WIF1: variants seen among roughly 807,000 people sequenced by gnomAD.
WIF1 encodes Wnt inhibitory factor 1.
In WIF1, 35 loss-of-function variants were observed where a neutral mutation model predicts 53.5. The ratio of observed to expected loss-of-function variants is 0.65; its 90% CI spans 0.50 to 0.87. WIF1 has a LOEUF of 0.87. Among genes scored for constraint, WIF1 ranks in the 40% least tolerant of loss-of-function variants. The pLI is 0.00. For synonymous variants in WIF1, 171 were observed against 170.4 expected (o/e 1.00, Z -0.03); for missense variants, 467 against 476.8 (o/e 0.98, Z 0.19).
At chr12:65,086,313 C>G (rs1883037064) in intron 2 of WIF1, among the ~76,000 whole-genome samples, 1 of 152,080 alleles carries the variant, frequency 6.6e-6, no homozygotes, top group Non-Finnish European at 1.5e-5. Flanking sequence ...AGGACAAGTG[C>G]CTCCTCCTCA....
At chr12:65,062,367 A>T in intron 7 of WIF1, 114 bp downstream of exon 7, 1 of 920,560 alleles carries the variant, frequency 1.1e-6, no homozygotes, top group Non-Finnish European at 1.6e-6. Context: ...CTAAGACCTT[A>T]GACAAGTTAT....
At chr12:65,083,284 T>C (rs372126697) in intron 2 of WIF1, among the ~76,000 whole-genome samples, 1 of 152,092 alleles carries the variant, frequency 6.6e-6, no homozygotes, top group East Asian at 1.9e-4. Flanking sequence ...AGGAAAATAG[T>C]TCAATGTTAA....
In WIF1 at chr12:65,067,773, A is replaced by C. The variant is rs908415677; in HGVS notation, c.556T>G (p.Cys186Gly). ...TCATTACAAAAGCCTCCATTTCGGC[A>C]CCCGCCTGGGCACTCAGCTTCAGCA... ...TCQQAECPGGCRNGGFCNERR... is the reference protein window; with the variant it reads ...TCQQAECPGGGRNGGFCNERR... The change falls in exon 5 of 10, where the codon TGC becomes GGC. Residue 186 changes from cysteine to glycine, a missense_variant. Coordinates refer to ENST00000286574, the MANE Select transcript of WIF1 (RefSeq NM_007191.5). 2.5e-6 allele frequency: 4 copies of C among 1,613,196 alleles called. No homozygotes were observed. Among genetic ancestry groups the C allele is most frequent in the Non-Finnish European group, 8.5e-7 (1 of 1,179,394 alleles).
chr12:65,121,177 G>A lies in WIF1; in HGVS notation c.15C>T (p.Ser5=), dbSNP rs1883605014. 5.2e-6 allele frequency: 8 copies of A among 1,539,532 alleles called. No individual in the cohort carries two copies. Among genetic ancestry groups the A allele is most frequent in the Non-Finnish European group, 6.1e-6 (7 of 1,141,570 alleles). ...GCCAGAGCGCGGCGGCAGGGAAGGC[G>A]CTCCTCCGGGCCATGCTGCTCAGGA... MARR[S]AFPAAALWLW... Residue 5 remains serine, a synonymous_variant, in exon 1 of 10, where the codon AGC becomes AGT. Transcript: ENST00000286574.
intron 6 of WIF1, among the ~76,000 whole-genome samples, chr12:65,063,932 T>A (rs923611177): frequency 3.3e-5 from 5 of 152,138 alleles, no homozygotes; most frequent in Non-Finnish European, 7.4e-5. Context: ...TCCACACAGG[T>A]CACAAAAAAA....
intron 3 of WIF1, among the ~76,000 whole-genome samples, chr12:65,074,034 G>A (rs12315357): frequency 0.031 from 4,687 of 151,968 alleles, 246 homozygotes; most frequent in African/African-American, 0.11. Flanking sequence ...TTTCCTCTAC[G>A]TTTATTATTT....
intron 2 of WIF1, among the ~76,000 whole-genome samples, chr12:65,082,092 T>C (rs1197957843): frequency 6.6e-6 from 1 of 152,050 alleles, no homozygotes; most frequent in Admixed American, 6.6e-5. Flanking sequence ...CCACAAGAAA[T>C]GGCTGATGAA....
intron 3 of WIF1, 98 bp downstream of exon 3, chr12:65,077,648 A>T (rs946526180): frequency 2.3e-6 from 2 of 888,240 alleles, no homozygotes; most frequent in Non-Finnish European, 3.5e-6. Context: ...TCAGGAAAAC[A>T]TTTCATAACC....
intron 2 of WIF1, among the ~76,000 whole-genome samples, chr12:65,098,938 C>A (rs1883242690): frequency 6.6e-6 from 1 of 152,154 alleles, no homozygotes; most frequent in Non-Finnish European, 1.5e-5. Flanking sequence ...TTCAACTAAT[C>A]TTTAAGATTC....
At chr12:65,099,238 T>C (rs1305217342) in intron 2 of WIF1, among the ~76,000 whole-genome samples, 1 of 152,228 alleles carries the variant, frequency 6.6e-6, no homozygotes, top group Non-Finnish European at 1.5e-5. Flanking sequence ...CAATTCCTGA[T>C]GTTTTCAAAA....
chr12:65,071,231 CAAAA>C (rs67928556), intron 3 of WIF1, among the ~76,000 whole-genome samples: 11 of 71,170 alleles, frequency 1.5e-4, no homozygotes, highest in Admixed American at 5.0e-4. Context: ...AAGACTCCAT[CAAAA>C]AAAAAAAAAA....
chr12:65,077,201 T>G (rs1259664208), intron 3 of WIF1, among the ~76,000 whole-genome samples: 12 of 152,234 alleles, frequency 7.9e-5, no homozygotes, highest in Admixed American at 7.9e-4. Flanking sequence ...GAGTCTGTTG[T>G]AAGCTGAAAA....
At chr12:65,090,110 G>C (rs1223134051) in intron 2 of WIF1, among the ~76,000 whole-genome samples, 1 of 152,172 alleles carries the variant, frequency 6.6e-6, no homozygotes, top group East Asian at 1.9e-4. Context: ...GGCTGAGAGA[G>C]GTAGACATTT....
chr12:65,066,580 C>T, intron 6 of WIF1, 61 bp downstream of exon 6: 3 of 1,411,816 alleles, frequency 2.1e-6, no homozygotes, highest in South Asian at 1.4e-5. Context: ...TATAAAGTAA[C>T]TTATTCTAAT....
chr12:65,059,804 A>G (rs1275194653), intron 7 of WIF1, among the ~76,000 whole-genome samples: 1 of 152,074 alleles, frequency 6.6e-6, no homozygotes, highest in African/African-American at 2.4e-5. Flanking sequence ...GGTGTCTGCC[A>G]CCATGCCTGG....
chr12:65,074,988 G>A (rs976579151), intron 3 of WIF1, among the ~76,000 whole-genome samples: 1 of 152,012 alleles, frequency 6.6e-6, no homozygotes, highest in African/African-American at 2.4e-5. Flanking sequence ...CATCTGAGTG[G>A]AATCAGCGTA....
intron 2 of WIF1, among the ~76,000 whole-genome samples, chr12:65,083,227 C>T (rs1015441011): frequency 2.6e-5 from 4 of 151,984 alleles, no homozygotes; most frequent in African/African-American, 7.3e-5. Flanking sequence ...TAAAATAGAT[C>T]GTACGCTGTA....
At chr12:65,062,728 T>C (rs1882632418) in intron 6 of WIF1, 152 bp from the exon 7 acceptor site, 1 of 696,948 alleles carries the variant, frequency 1.4e-6, no homozygotes, top group African/African-American at 1.8e-5. Context: ...AATACAAAAT[T>C]TGTACCAATT....
chr12:65,065,909 C>G (rs1882680365), intron 6 of WIF1, among the ~76,000 whole-genome samples: 2 of 152,110 alleles, frequency 1.3e-5, no homozygotes. Context: ...GGCTGTGTTG[C>G]TGCAATGTTA....
Sources: allele counts gnomAD v4.1 joint callset (sites outside exome capture counted in the v4.1 genomes callset), GRCh38; gene constraint gnomAD v4.1.1; transcripts MANE v1.5; gene names NCBI Gene and HGNC (gene_info 2026-07-23, HGNC 2026-07-21).